Variants in NDUFAF6 observed in about 807,000 individuals in gnomAD.
NDUFAF6 encodes NADH:ubiquinone oxidoreductase complex assembly factor 6, also known as NADH dehydrogenase (ubiquinone) complex I, assembly factor 6.
In NDUFAF6, 45 loss-of-function variants were observed where a neutral mutation model predicts 40.8. The observed-to-expected ratio is 1.10, with a 90% confidence interval of 0.87 to 1.42. The LOEUF (loss-of-function observed/expected upper bound fraction) is 1.42, where lower values mean the gene tolerates loss of function less well. Ranked by LOEUF, NDUFAF6 falls within the 40% of genes most tolerant of loss-of-function variation. The pLI, the probability that NDUFAF6 is intolerant of heterozygous loss-of-function variation, is 0.00. For synonymous variants in NDUFAF6, 185 were observed against 155.9 expected, an observed-to-expected ratio of 1.19 and a Z score of -1.39; for missense variants, 435 against 418.5, an observed-to-expected ratio of 1.04 and a Z score of -0.34.
chr8:95,051,167 G>T (rs1168303898), intron 7 of NDUFAF6, among the ~76,000 whole-genome samples: 2 of 152,166 alleles, frequency 1.3e-5, no homozygotes, highest in Admixed American at 1.3e-4. Flanking sequence ...AGTTTGGATG[G>T]TGTTGCTGAA....
At chr8:95,068,284 A>T (rs1832751551) in intron 9 of NDUFAF6, 1 of 151,794 alleles carries the variant, frequency 6.6e-6, no homozygotes, top group Non-Finnish European at 1.5e-5. Flanking sequence ...ACTTAGTGGG[A>T]GCAATAGGGA....
At chr8:95,068,298 G>T (rs961425508) in intron 9 of NDUFAF6, 28 of 152,002 alleles carry the variant, frequency 1.8e-4, no homozygotes, top group African/African-American at 6.1e-4. Context: ...ATAGGGAAAA[G>T]TATATCTACT....
intron 2 of NDUFAF6, among the ~76,000 whole-genome samples, chr8:95,007,659 GTTTTT>G (rs553474402): frequency 7.8e-4 from 81 of 103,818 alleles, no homozygotes; most frequent in African/African-American, 2.8e-3. Flanking sequence ...GTGAGGCTCT[GTTTTT>G]TTTTTTTTTT....
chr8:95,030,583 A>G (rs1414486924), intron 1 of NDUFAF6, among the ~76,000 whole-genome samples: 1 of 152,030 alleles, frequency 6.6e-6, no homozygotes, highest in African/African-American at 2.4e-5. Flanking sequence ...GCCAGTGAGA[A>G]CTCTGTCAAG....
intron 1 of NDUFAF6, among the ~76,000 whole-genome samples, chr8:94,961,883 C>G (rs183099624): frequency 7.3e-4 from 111 of 152,344 alleles, no homozygotes; most frequent in African/African-American, 2.5e-3. Flanking sequence ...CCAGTGTCAG[C>G]TGCATCAAAA....
At chr8:95,019,830 T>C (rs1490035984) in intron 2 of NDUFAF6, among the ~76,000 whole-genome samples, 1 of 152,212 alleles carries the variant, frequency 6.6e-6, no homozygotes, top group Non-Finnish European at 1.5e-5. Context: ...CAGTACTAAA[T>C]GCTCAAAAAC....
At chr8:95,031,135 T>C (rs1273374614) in intron 1 of NDUFAF6, among the ~76,000 whole-genome samples, 1 of 152,158 alleles carries the variant, frequency 6.6e-6, no homozygotes, top group Non-Finnish European at 1.5e-5. Context: ...GAGACAAATA[T>C]CCAGATATCA....
At chr8:94,931,572 AAC>A (rs1485930259) in intron 1 of NDUFAF6, among the ~76,000 whole-genome samples, 3 of 132,090 alleles carry the variant, frequency 2.3e-5, no homozygotes, top group Non-Finnish European at 3.1e-5. Flanking sequence ...CACTTGAGGA[AAC>A]ACACATATTT....
intron 1 of NDUFAF6, among the ~76,000 whole-genome samples, chr8:94,906,168 CTA>C (rs1491242348): frequency 1.3e-5 from 2 of 152,156 alleles, no homozygotes; most frequent in Admixed American, 1.3e-4. Flanking sequence ...CATCAGGCTG[CTA>C]TAGAGTCCTT....
At chr8:95,053,452 T>A (rs1831674742) in intron 8 of NDUFAF6, among the ~76,000 whole-genome samples, 1 of 152,112 alleles carries the variant, frequency 6.6e-6, no homozygotes, top group Admixed American at 6.6e-5. Context: ...GGACTTTGTT[T>A]TATTAACTTC....
chr8:94,924,718 C>T (rs1012107881), intron 1 of NDUFAF6, among the ~76,000 whole-genome samples: 2 of 151,992 alleles, frequency 1.3e-5, no homozygotes, highest in Non-Finnish European at 2.9e-5. Context: ...CATTCCCCTG[C>T]CATTCCAGAG....
upstream of NDUFAF6, among the ~76,000 whole-genome samples, chr8:95,023,635 G>A (rs1247414426): frequency 6.6e-6 from 1 of 152,210 alleles, no homozygotes; most frequent in Admixed American, 6.5e-5. Context: ...TGCTGGCTGG[G>A]ATCAGCTAGT....
chr8:95,034,216 C>G (rs991397323), intron 2 of NDUFAF6: 1 of 359,208 alleles, frequency 2.8e-6, no homozygotes, highest in Non-Finnish European at 5.6e-6. Flanking sequence ...ACACATTTCT[C>G]TTTTTATGAA....
chr8:95,078,191 C>A (rs1808694221), downstream of NDUFAF6, among the ~76,000 whole-genome samples: 1 of 152,142 alleles, frequency 6.6e-6, no homozygotes, highest in Non-Finnish European at 1.5e-5. Context: ...TCAGAGGGTT[C>A]TGGCTGGGGT....
intron 1 of NDUFAF6, among the ~76,000 whole-genome samples, chr8:94,924,174 C>T (rs1477644370): frequency 6.6e-6 from 1 of 152,134 alleles, no homozygotes; most frequent in Non-Finnish European, 1.5e-5. Context: ...GATTCTCCTG[C>T]CTCAGCCTCC....
chr8:94,976,457 C>G (rs887332131), intron 1 of NDUFAF6, among the ~76,000 whole-genome samples: 1 of 145,926 alleles, frequency 6.9e-6, no homozygotes, highest in Non-Finnish European at 1.5e-5. Flanking sequence ...GAGCCAAGAT[C>G]CCGCCACTGC....
chr8:95,011,754 C>T (rs7818536), intron 2 of NDUFAF6, among the ~76,000 whole-genome samples: 1,580 of 152,298 alleles, frequency 0.01, 29 homozygotes, highest in African/African-American at 0.036. Flanking sequence ...TCAGACACCA[C>T]CCCTTGCCTC....
intron 2 of NDUFAF6, among the ~76,000 whole-genome samples, chr8:95,092,817 C>A (rs1383406043): frequency 1.3e-5 from 2 of 152,166 alleles, no homozygotes; most frequent in African/African-American, 4.8e-5. Flanking sequence ...ATCTCCTGAC[C>A]TCATGATCGG....
chr8:95,006,752 C>T (rs1586952452), intron 2 of NDUFAF6, among the ~76,000 whole-genome samples: 1 of 151,880 alleles, frequency 6.6e-6, no homozygotes, highest in African/African-American at 2.4e-5. Flanking sequence ...TAGTGGTGCA[C>T]GCCTGCATTC....
Sources: gnomAD v4.1 joint callset for allele counts (sites outside exome capture counted in the v4.1 genomes callset) on GRCh38, gnomAD v4.1.1 for gene constraint, MANE v1.5 for transcripts, NCBI Gene and HGNC (gene_info 2026-07-23, HGNC 2026-07-21) for gene names.